CTNNA2: variants seen among roughly 807,000 people sequenced by gnomAD.
CTNNA2 encodes the protein catenin alpha-2.
Under a neutral mutation model 101.0 loss-of-function variants are expected in CTNNA2, and 42 were observed. The observed-to-expected ratio is 0.42, with a 90% CI of 0.32 to 0.54. CTNNA2 has a LOEUF of 0.54. Among genes scored for constraint, CTNNA2 ranks in the 20% least tolerant of loss-of-function variants. CTNNA2 has a pLI of 0.14. For synonymous variants in CTNNA2, 450 were observed against 456.4 expected (o/e 0.99, Z 0.18); for missense variants, 871 against 1,223.1 (o/e 0.71, Z 4.29).
chr2:79,604,685 T>C (rs1441210597), intron 1 of CTNNA2, among the ~76,000 whole-genome samples: 1 of 152,188 alleles, frequency 6.6e-6, no homozygotes, highest in Non-Finnish European at 1.5e-5. Flanking sequence ...GGGAATGTGC[T>C]GAGTATTCAC....
At chr2:79,896,006 A>T (rs1684689504) in intron 6 of CTNNA2, among the ~76,000 whole-genome samples, 1 of 152,016 alleles carries the variant, frequency 6.6e-6, no homozygotes, top group African/African-American at 2.4e-5. Flanking sequence ...AATTAGGCTG[A>T]GTGTGGTGGT....
intron 7 of CTNNA2, among the ~76,000 whole-genome samples, chr2:80,036,631 A>G (rs902313166): frequency 2.6e-5 from 4 of 152,124 alleles, no homozygotes; most frequent in Admixed American, 6.6e-5. Context: ...ACAAAAGTAA[A>G]TAAAAATAGA....
At chr2:80,502,085 A>G (rs947609635) in intron 9 of CTNNA2, among the ~76,000 whole-genome samples, 2 of 152,202 alleles carry the variant, frequency 1.3e-5, no homozygotes, top group African/African-American at 4.8e-5. Flanking sequence ...ACCCTGCTAT[A>G]TGCCAGCAAA....
chr2:79,730,612 A>C (rs562436134), intron 2 of CTNNA2, among the ~76,000 whole-genome samples: 3 of 152,142 alleles, frequency 2.0e-5, no homozygotes, highest in African/African-American at 7.2e-5. Flanking sequence ...TCCAGCTATT[A>C]ATTTTTGAGC....
intron 7 of CTNNA2, among the ~76,000 whole-genome samples, chr2:80,368,841 GTATA>G (rs1462729180): frequency 1.4e-5 from 2 of 140,150 alleles, no homozygotes; most frequent in African/African-American, 5.7e-5. Flanking sequence ...ATGTGTGTGT[GTATA>G]TATGTGTGTG....
chr2:80,008,490 C>T lies in CTNNA2; in HGVS notation c.1056+98693C>T, dbSNP rs145978918. 2.2e-3 allele frequency among the ~76,000 whole-genome samples: 335 copies of T among 152,276 alleles called. 1 individual carries two copies. The highest frequency in any genetic ancestry group is 7.6e-3 in the African/African-American group (315 of 41,568). ...GAAGCAGTTCTGCGATTCTTTTCATCACTTGCACATCAACTTCTCTTCTTC... is the reference window on the plus strand; with the variant it reads ...GAAGCAGTTCTGCGATTCTTTTCATTACTTGCACATCAACTTCTCTTCTTC... On this transcript the variant is annotated intron_variant, in intron 7 of 18. Coordinates refer to ENST00000402739, the MANE Select transcript of CTNNA2 (RefSeq NM_001282597.3).
chr2:79,836,302 A>G (rs1020536501), intron 3 of CTNNA2, among the ~76,000 whole-genome samples: 1 of 152,192 alleles, frequency 6.6e-6, no homozygotes, highest in Non-Finnish European at 1.5e-5. Context: ...TAGATGACTA[A>G]ACTTTTACTT....
chr2:79,895,914 T>A, intron 6 of CTNNA2, among the ~76,000 whole-genome samples: 1 of 152,148 alleles, frequency 6.6e-6, no homozygotes. Context: ...CCTGGCTTAA[T>A]CAAATCTTCA....
chr2:80,579,027 G>A (rs1695306244), intron 13 of CTNNA2: 1 of 152,150 alleles, frequency 6.6e-6, no homozygotes, highest in Non-Finnish European at 1.5e-5. Flanking sequence ...CTGTGGGGCA[G>A]AAAGTGCATA....
intron 1 of CTNNA2, among the ~76,000 whole-genome samples, chr2:79,640,222 G>A (rs1471707131): frequency 6.6e-6 from 1 of 152,134 alleles, no homozygotes; most frequent in African/African-American, 2.4e-5. Context: ...AGTCACTAGG[G>A]CTTGTGTAAA....
intron 3 of CTNNA2, among the ~76,000 whole-genome samples, chr2:79,793,939 T>C (rs1675489992): frequency 7.6e-6 from 1 of 131,690 alleles, no homozygotes; most frequent in Non-Finnish European, 1.6e-5. Context: ...AGATAAAACA[T>C]ACAAGAATAA....
chr2:80,550,426 G>A lies in CTNNA2; in HGVS notation c.1540+4363G>A, dbSNP rs191334682. On this transcript the variant is annotated intron_variant, in intron 11 of 18. Transcript: ENST00000402739. ...GTAAGATAACAATGAAGTTTGATGC[G>A]TTGATTGACTATTCCTTTACAAAAG... Among the ~76,000 whole-genome samples, 181 of 152,244 alleles carry A rather than the reference G, an allele frequency of 1.2e-3. 1 individual carries two copies. The highest frequency in any genetic ancestry group is 3.3e-3 in the African/African-American group (139 of 41,542).
At chr2:80,630,828 T>A (rs1368386306) in intron 18 of CTNNA2, among the ~76,000 whole-genome samples, 1 of 152,156 alleles carries the variant, frequency 6.6e-6, no homozygotes, top group Non-Finnish European at 1.5e-5. Flanking sequence ...TATATTATGA[T>A]GATGAGTAAC....
At chr2:79,794,536 C>T (rs905842469) in intron 3 of CTNNA2, among the ~76,000 whole-genome samples, 2 of 152,156 alleles carry the variant, frequency 1.3e-5, no homozygotes, top group African/African-American at 2.4e-5. Flanking sequence ...TCCAAAGTTT[C>T]CTCCCTGCCT....
chr2:79,945,241 A>C (rs762718891), intron 7 of CTNNA2, among the ~76,000 whole-genome samples: 7 of 152,108 alleles, frequency 4.6e-5, no homozygotes, highest in Middle Eastern at 3.4e-3. Context: ...GGGTCTCGCT[A>C]TGTTGCCCAG....
intron 15 of CTNNA2, chr2:80,603,802 G>T (rs1038979879): frequency 2.7e-5 from 10 of 369,142 alleles, no homozygotes; most frequent in African/African-American, 1.7e-4. Flanking sequence ...CATTTCTCTT[G>T]TGATGATCTT....
intron 7 of CTNNA2, among the ~76,000 whole-genome samples, chr2:80,257,144 A>C (rs1166981805): frequency 6.6e-6 from 1 of 152,110 alleles, no homozygotes; most frequent in Non-Finnish European, 1.5e-5. Context: ...GTGCAGCACT[A>C]TCTTGCCTCT....
chr2:80,071,539 C>T (rs182378691), intron 7 of CTNNA2, among the ~76,000 whole-genome samples: 8 of 152,216 alleles, frequency 5.3e-5, no homozygotes, highest in African/African-American at 1.4e-4. Context: ...CTGTGGGCCC[C>T]GTGAGGTGGT....
At chr2:79,751,327 CA>C in intron 3 of CTNNA2, among the ~76,000 whole-genome samples, 1 of 152,208 alleles carries the variant, frequency 6.6e-6, no homozygotes, top group East Asian at 1.9e-4. Context: ...GGCAGGGTGG[CA>C]CATGCCTGTA....
Sources: gnomAD v4.1 joint callset for allele counts (sites outside exome capture counted in the v4.1 genomes callset) on GRCh38, gnomAD v4.1.1 for gene constraint, MANE v1.5 for transcripts, NCBI Gene and HGNC (gene_info 2026-07-23, HGNC 2026-07-21) for gene names.